The following ADGRE1 variants were observed in gnomAD, a reference collection of about 807,000 sequenced individuals.
The protein encoded by ADGRE1 is EGF-like module receptor 1.
ADGRE1 carries 82 observed loss-of-function variants against 102.7 expected under a neutral mutation model. The ratio of observed to expected loss-of-function variants is 0.80; its 90% confidence interval spans 0.67 to 0.96. The LOEUF is 0.96. ADGRE1 is among the 40% of genes least tolerant of loss of function. The probability of loss-of-function intolerance (pLI) is 0.00; values close to 1 mark genes in which losing one functional copy is unlikely to be tolerated. For synonymous variants in ADGRE1, 398 were observed against 399.6 expected (o/e 1.00, Z 0.05); for missense variants, 1,032 against 1,085.3 (o/e 0.95, Z 0.69).
intron 11 of ADGRE1, among the ~76,000 whole-genome samples, chr19:6,914,616 G>A: frequency 6.6e-6 from 1 of 152,172 alleles, no homozygotes; most frequent in African/African-American, 2.4e-5. Context: ...TGGAAATAAA[G>A]TATTTGGTGG....
At chr19:6,915,694 G>A (rs1974347480) in intron 11 of ADGRE1, among the ~76,000 whole-genome samples, 1 of 152,016 alleles carries the variant, frequency 6.6e-6, no homozygotes, top group Admixed American at 6.6e-5. Flanking sequence ...GGCCGAGGCA[G>A]GTGGATCACA....
rs575879465 is a variant in ADGRE1, at chr19:6,910,931, A to G, written c.1122+2159A>G. ...TGCTAAAGATGTCAAAAACTTCTAA[A>G]TTTAACACAAATCCTACTAAGGATG... is the stretch of plus-strand genomic sequence containing the variant. On this transcript the variant is annotated intron_variant, in intron 10 of 20. Transcript: ENST00000312053. 1.3e-3 allele frequency among the ~76,000 whole-genome samples: 201 copies of G among 152,308 alleles called. 1 individual carries two copies. The highest frequency in any genetic ancestry group is 4.5e-3 in the African/African-American group (185 of 41,564).
At chr19:6,911,127 G>T (rs1974158582) in intron 10 of ADGRE1, among the ~76,000 whole-genome samples, 1 of 152,242 alleles carries the variant, frequency 6.6e-6, no homozygotes, top group South Asian at 2.1e-4. Flanking sequence ...TGCTATGTCA[G>T]TGGGGAGGGG....
intron 20 of ADGRE1, 69 bp from the exon 21 acceptor site, chr19:6,939,955 A>G: frequency 1.3e-6 from 2 of 1,538,316 alleles, no homozygotes; most frequent in Middle Eastern, 1.7e-4. Context: ...CCCTGTAGAC[A>G]TGACCCTTGG....
chr19:6,935,170 A>G, intron 18 of ADGRE1, 92 bp downstream of exon 18: 1 of 924,232 alleles, frequency 1.1e-6, no homozygotes. Flanking sequence ...GCTGGGTCCT[A>G]TGCCTGAGAC....
At chr19:6,888,468 G>C (rs1973227303) in intron 1 of ADGRE1, among the ~76,000 whole-genome samples, 1 of 152,076 alleles carries the variant, frequency 6.6e-6, no homozygotes, top group South Asian at 2.1e-4. Flanking sequence ...TGTGTGTTTT[G>C]GTCATTGGAT....
intron 6 of ADGRE1, 76 bp downstream of exon 6, chr19:6,902,097 C>G (rs1973785072): frequency 6.4e-7 from 1 of 1,559,068 alleles, no homozygotes; most frequent in Non-Finnish European, 8.7e-7. Flanking sequence ...TAGGGTGGGT[C>G]TTGGTTGAGT....
At chr19:6,923,819 A>G (rs1016893482) in intron 14 of ADGRE1, among the ~76,000 whole-genome samples, 248 of 111,952 alleles carry the variant, frequency 2.2e-3, no homozygotes, top group Middle Eastern at 0.02. Context: ...GATTACAGGC[A>G]TGAGCCACTG....
chr19:6,935,787 G>C (rs252557), intron 18 of ADGRE1, among the ~76,000 whole-genome samples: 1 of 152,054 alleles, frequency 6.6e-6, no homozygotes. Context: ...AATGTGCGTC[G>C]TAAATTGATT....
At chr19:6,905,262 C>T (rs1484512218) in intron 8 of ADGRE1, among the ~76,000 whole-genome samples, 3 of 151,890 alleles carry the variant, frequency 2.0e-5, no homozygotes, top group East Asian at 1.9e-4. Flanking sequence ...GTGGGAGGAT[C>T]GCTTGAGCCT....
intron 12 of ADGRE1, among the ~76,000 whole-genome samples, chr19:6,917,051 A>C (rs760319804): frequency 6.6e-6 from 1 of 152,202 alleles, no homozygotes. Flanking sequence ...AAGCATTGCA[A>C]TTAATACAGC....
chr19:6,940,312 G>C lies in ADGRE1; in HGVS notation c.*283G>C. The C allele has an allele frequency of 1.9e-6, 1 of 535,322 alleles. No individual in the cohort carries two copies. Among genetic ancestry groups the C allele is most frequent in the South Asian group, 2.2e-5 (1 of 45,194 alleles). 33.2% of individuals were successfully genotyped at this position (535,322 alleles called of 1,614,324 possible). A position where few individuals can be genotyped will look rare whatever the true frequency, so the allele number is the denominator to read the frequency against. On this transcript the variant is annotated 3_prime_UTR_variant, in exon 21 of 21. Transcript: ENST00000312053. ...GACCCAAATTCAATGGCATGACCAA[G>C]AACACCTGGCTACCATTTTGTTTTC...
intron 11 of ADGRE1, among the ~76,000 whole-genome samples, chr19:6,915,074 T>G (rs115153507): frequency 6.6e-4 from 100 of 152,144 alleles, no homozygotes; most frequent in African/African-American, 2.3e-3. Context: ...GGTGTGATCA[T>G]AGCTCACTAC....
chr19:6,919,861 C>G (rs1468307990), intron 13 of ADGRE1, 114 bp downstream of exon 13: 1 of 984,782 alleles, frequency 1.0e-6, no homozygotes, highest in Non-Finnish European at 1.5e-6. Context: ...TAAGCTTCCA[C>G]AATTTCCAGC....
intron 10 of ADGRE1, among the ~76,000 whole-genome samples, chr19:6,913,371 A>C (rs1262597305): frequency 6.6e-6 from 1 of 150,764 alleles, no homozygotes; most frequent in East Asian, 2.0e-4. Context: ...TAGTAGAGAC[A>C]GGGTTTCACT....
chr19:6,901,135 A>G (rs1463364737), intron 5 of ADGRE1, among the ~76,000 whole-genome samples: 2 of 152,258 alleles, frequency 1.3e-5, no homozygotes, highest in Non-Finnish European at 2.9e-5. Flanking sequence ...GGGCATGACC[A>G]GATGGTGCAC....
At chr19:6,919,521 CT>C (rs753622944) in intron 12 of ADGRE1, 26 bp from the exon 13 acceptor site, 3 of 1,538,306 alleles carry the variant, frequency 2.0e-6, no homozygotes, top group South Asian at 1.1e-5. Context: ...CGATTCCTTC[CT>C]TTTTTTCATT....
At chr19:6,924,361 A>G (rs1974793653) in intron 14 of ADGRE1, among the ~76,000 whole-genome samples, 1 of 152,122 alleles carries the variant, frequency 6.6e-6, no homozygotes, top group African/African-American at 2.4e-5. Flanking sequence ...CAAAACCTTC[A>G]CAGATGTATC....
Position 6,934,945 on chromosome 19 carries a change from T to C in ADGRE1, c.2290-42T>C, listed in dbSNP as rs531925878. The stretch of plus-strand genomic sequence containing the variant: ...TTATAGGTGTTCTGGCCCTTGTCTA[T>C]TTGTATATCCAGTCTCTCCATCCTT... On this transcript the variant is annotated intron_variant, in intron 17 of 20. Transcript: ENST00000312053. 29 of 1,422,772 alleles carry C rather than the reference T, an allele frequency of 2.0e-5. No individual in the cohort carries two copies. The East Asian group carries it at 6.8e-4, about 33-fold the overall frequency. 88.1% of individuals were successfully genotyped at this position (1,422,772 alleles called of 1,614,324 possible).
Sources: allele counts gnomAD v4.1 joint callset (sites outside exome capture counted in the v4.1 genomes callset), GRCh38; gene constraint gnomAD v4.1.1; transcripts MANE v1.5; gene names NCBI Gene and HGNC (gene_info 2026-07-23, HGNC 2026-07-21).